The following NBEA variants were observed in gnomAD, a reference collection of about 807,000 sequenced individuals.
NBEA encodes the protein neurobeachin.
A neutral mutation model predicts 343.4 loss-of-function variants in NBEA; 44 were observed. The observed-to-expected ratio is 0.13, with a 90% CI of 0.10 to 0.16. NBEA has a LOEUF of 0.16. Ranked by LOEUF, NBEA falls within the 10% of genes least tolerant of loss-of-function variation. NBEA has a pLI of 1.00. For missense variants in NBEA, 2,555 were observed against 3,631.3 expected (o/e 0.70, Z 7.62); for synonymous variants, 1,175 against 1,238.7 (o/e 0.95, Z 1.08).
At chr13:35,091,473 A>T (rs752229958) in intron 10 of NBEA, among the ~76,000 whole-genome samples, 1 of 152,006 alleles carries the variant, frequency 6.6e-6, no homozygotes, top group Non-Finnish European at 1.5e-5. Context: ...AATGAAAGTC[A>T]TACAGATTAT....
chr13:35,117,161 A>C (rs770535389), intron 13 of NBEA, among the ~76,000 whole-genome samples: 24 of 152,054 alleles, frequency 1.6e-4, no homozygotes, highest in Non-Finnish European at 3.2e-4. Flanking sequence ...ATGGATATTA[A>C]TATATAACAA....
intron 10 of NBEA, among the ~76,000 whole-genome samples, chr13:35,084,935 T>C (rs998540791): frequency 3.9e-5 from 6 of 152,044 alleles, no homozygotes; most frequent in Admixed American, 3.9e-4. Context: ...CAATCTACCA[T>C]CAGAGAATAC....
At position 35,352,546 on chromosome 13, in the gene NBEA, A is replaced by G. The variant is rs968273871; in HGVS notation, c.6179+223A>G. 2.6e-5 allele frequency among the ~76,000 whole-genome samples: 4 copies of G among 152,108 alleles called. No homozygotes were observed. The East Asian group carries it at 7.7e-4, about 29-fold the overall frequency. ...CTACAGTGGAAGTTATTTCTACTTT[A>G]TAATAATATGCAACATAATACAAAA... is the stretch of plus-strand genomic sequence containing the variant. On this transcript the variant is annotated intron_variant, in intron 38 of 58. Transcript: ENST00000379939.
chr13:35,034,052 G>C (rs1450102228), intron 1 of NBEA, among the ~76,000 whole-genome samples: 1 of 151,738 alleles, frequency 6.6e-6, no homozygotes, highest in African/African-American at 2.4e-5. Context: ...TTGAATAACA[G>C]TGTTAACCGT....
rs564545733 is a variant in NBEA at position 35,322,416 on chromosome 13, C to T, written c.5903+12824C>T. On this transcript the variant is annotated intron_variant, in intron 36 of 58. Transcript: ENST00000379939. ...CCCCACCCTGCTTCAGCTCACCCAC[C>T]GTGGACTGCACCCACAGTCTAACCA... Among the ~76,000 whole-genome samples, 23 of 152,290 alleles carry T rather than the reference C, an allele frequency of 1.5e-4. No homozygotes were observed. The East Asian group carries it at 1.6e-3, about 10-fold the overall frequency.
At chr13:35,122,005 C>T (rs1475194864) in intron 16 of NBEA, among the ~76,000 whole-genome samples, 1 of 151,992 alleles carries the variant, frequency 6.6e-6, no homozygotes, top group African/African-American at 2.4e-5. Flanking sequence ...GTCCCTTCTA[C>T]TTTATGGAAA....
chr13:35,077,042 T>C (rs2064153199), intron 10 of NBEA, among the ~76,000 whole-genome samples: 1 of 152,100 alleles, frequency 6.6e-6, no homozygotes, highest in Non-Finnish European at 1.5e-5. Context: ...TTGTCACAAG[T>C]GTTTAAACCC....
intron 46 of NBEA, among the ~76,000 whole-genome samples, chr13:35,591,616 T>A (rs754641315): frequency 4.3e-4 from 65 of 152,068 alleles, no homozygotes; most frequent in Non-Finnish European, 6.6e-4. Context: ...ACACTGAACA[T>A]GAAATAGTGG....
chr13:35,230,827 A>G (rs1448668290), intron 33 of NBEA, among the ~76,000 whole-genome samples: 1 of 152,024 alleles, frequency 6.6e-6, no homozygotes, highest in Admixed American at 6.6e-5. Flanking sequence ...CAGCAGCATC[A>G]ACACCACTGA....
At chr13:35,657,043 C>T (rs531384722) in intron 55 of NBEA, among the ~76,000 whole-genome samples, 2 of 152,278 alleles carry the variant, frequency 1.3e-5, no homozygotes, top group African/African-American at 4.8e-5. Context: ...TCCCCCCAAC[C>T]CTTATGCATT....
At chr13:35,186,669 G>A (rs921514325) in intron 30 of NBEA, 5 of 152,084 alleles carry the variant, frequency 3.3e-5, no homozygotes, top group Admixed American at 6.6e-5. Context: ...CAAGCAAAAA[G>A]CTCATTGTCA....
At chr13:35,623,326 T>A (rs1349344981) in intron 48 of NBEA, among the ~76,000 whole-genome samples, 1 of 152,158 alleles carries the variant, frequency 6.6e-6, no homozygotes, top group Non-Finnish European at 1.5e-5. Context: ...AGTCTTAATG[T>A]CAGGCTTCAG....
chr13:35,640,802 T>G (rs2083909061), intron 49 of NBEA, among the ~76,000 whole-genome samples: 1 of 152,168 alleles, frequency 6.6e-6, no homozygotes. Flanking sequence ...GCTGTTCAGA[T>G]TTTCTTATTT....
intron 18 of NBEA, among the ~76,000 whole-genome samples, chr13:35,145,866 AG>A (rs1323787806): frequency 1.3e-5 from 2 of 152,298 alleles, no homozygotes; most frequent in Middle Eastern, 3.4e-3. Flanking sequence ...GTTTTTGGAC[AG>A]GGAGGACAGG....
intron 10 of NBEA, among the ~76,000 whole-genome samples, chr13:35,078,242 A>C (rs2152594656): frequency 6.6e-6 from 1 of 152,340 alleles, no homozygotes; most frequent in Admixed American, 6.5e-5. Context: ...AATAATCAGC[A>C]CAGAGAAACC....
At chr13:35,486,115 A>C (rs893477196) in intron 41 of NBEA, among the ~76,000 whole-genome samples, 12 of 152,120 alleles carry the variant, frequency 7.9e-5, no homozygotes, top group Admixed American at 5.9e-4. Context: ...TGCTTGTACA[A>C]GCCTAGCCTG....
intron 41 of NBEA, among the ~76,000 whole-genome samples, chr13:35,538,987 A>G (rs2078683999): frequency 6.6e-6 from 1 of 152,228 alleles, no homozygotes; most frequent in Non-Finnish European, 1.5e-5. Context: ...GAATGTTTTA[A>G]TATAGCTGGT....
intron 28 of NBEA, among the ~76,000 whole-genome samples, chr13:35,180,969 G>T (rs939584146): frequency 3.3e-5 from 5 of 151,724 alleles, no homozygotes; most frequent in African/African-American, 4.8e-5. Flanking sequence ...ATAGTCTCCA[G>T]TCCCATCCAG....
chr13:34,963,911 A>G (rs1043337986), intron 1 of NBEA, among the ~76,000 whole-genome samples: 1 of 152,010 alleles, frequency 6.6e-6, no homozygotes, highest in African/African-American at 2.4e-5. Flanking sequence ...TAAAAATAAT[A>G]ATAAACCTCT....
Sources: allele counts gnomAD v4.1 joint callset (sites outside exome capture counted in the v4.1 genomes callset), GRCh38; gene constraint gnomAD v4.1.1; transcripts MANE v1.5; gene names NCBI Gene and HGNC (gene_info 2026-07-23, HGNC 2026-07-21).